THSD7B: variants seen among roughly 807,000 people sequenced by gnomAD.
THSD7B encodes thrombospondin type 1 domain containing 7B, also known as thrombospondin type-1 domain-containing protein 7B.
THSD7B carries 138 observed loss-of-function variants against 213.6 expected under a neutral mutation model. The ratio of observed to expected loss-of-function variants is 0.65; its 90% CI spans 0.56 to 0.74. THSD7B has a LOEUF of 0.74. Ranked by LOEUF, THSD7B falls within the 30% of genes least tolerant of loss-of-function variation. THSD7B has a pLI of 0.00. For synonymous variants in THSD7B, 742 were observed against 687.0 expected (o/e 1.08, Z -1.25); for missense variants, 1,931 against 1,991.5 (o/e 0.97, Z 0.58).
chr2:137,019,322 T>C (rs943411024), intron 2 of THSD7B, among the ~76,000 whole-genome samples: 22 of 152,220 alleles, frequency 1.4e-4, no homozygotes, highest in African/African-American at 3.6e-4. Context: ...TTCAACACAA[T>C]GCTTGGTACT....
In THSD7B at chr2:137,133,131, TCA is replaced by T. The variant is rs57550320; in HGVS notation, c.1369+17842_1369+17843del. The stretch of plus-strand genomic sequence containing the variant: ...CGTTGACTTTTGCCTTGGATTATTA[TCA>T]CACTGAATACCTAGGAAATCCACTC... On this transcript the variant is annotated intron_variant, in intron 5 of 27. Transcript: ENST00000409968. Among the ~76,000 whole-genome samples the T allele has an allele frequency of 5.0e-3, 757 of 152,332 alleles. 5 individuals carry two copies. Among genetic ancestry groups the T allele is most frequent in the African/African-American group, 0.018 (731 of 41,572 alleles).
chr2:137,584,394 G>A (rs1681665684), intron 17 of THSD7B, among the ~76,000 whole-genome samples: 2 of 152,172 alleles, frequency 1.3e-5, no homozygotes, highest in African/African-American at 4.8e-5. Context: ...TGGTGTGAGA[G>A]GACATTCCTG....
chr2:137,504,533 A>G (rs1679789843), intron 15 of THSD7B, among the ~76,000 whole-genome samples: 1 of 152,224 alleles, frequency 6.6e-6, no homozygotes, highest in African/African-American at 2.4e-5. Flanking sequence ...CAACAAGGAA[A>G]GGTATTATCA....
At chr2:137,116,807 G>T (rs1254725205) in intron 5 of THSD7B, among the ~76,000 whole-genome samples, 2 of 152,098 alleles carry the variant, frequency 1.3e-5, no homozygotes, top group Non-Finnish European at 2.9e-5. Context: ...TGGGGGTACG[G>T]GTGGAATAGA....
At chr2:137,113,420 T>G (rs906097119) in intron 4 of THSD7B, among the ~76,000 whole-genome samples, 8 of 152,024 alleles carry the variant, frequency 5.3e-5, no homozygotes, top group African/African-American at 1.9e-4. Flanking sequence ...TGTGGGGTTT[T>G]TGTGTGTGTG....
intron 24 of THSD7B, among the ~76,000 whole-genome samples, chr2:137,659,008 C>T (rs866863300): frequency 1.8e-4 from 27 of 152,184 alleles, no homozygotes; most frequent in Middle Eastern, 3.2e-3. Context: ...TTTCCAGTTA[C>T]AGAGACATAC....
chr2:136,786,819 T>C (rs1235039057), intron 1 of THSD7B, among the ~76,000 whole-genome samples: 1 of 152,204 alleles, frequency 6.6e-6, no homozygotes, highest in Non-Finnish European at 1.5e-5. Flanking sequence ...TGATTTCTTA[T>C]CAGTCATTCA....
At chr2:137,073,997 A>G (rs1687560592) in intron 3 of THSD7B, among the ~76,000 whole-genome samples, 1 of 152,144 alleles carries the variant, frequency 6.6e-6, no homozygotes. Context: ...GGAGTGCTTT[A>G]CTTCCAACTA....
chr2:137,131,916 G>A (rs996560444), intron 5 of THSD7B, among the ~76,000 whole-genome samples: 4 of 151,852 alleles, frequency 2.6e-5, no homozygotes, highest in African/African-American at 9.7e-5. Flanking sequence ...ATTCTGTGAA[G>A]AAAGTCATTA....
At chr2:137,220,283 G>A (rs1681340379) in intron 7 of THSD7B, among the ~76,000 whole-genome samples, 1 of 151,896 alleles carries the variant, frequency 6.6e-6, no homozygotes, top group South Asian at 2.1e-4. Flanking sequence ...CAAATCACAT[G>A]TGTGACAAAT....
intron 2 of THSD7B, among the ~76,000 whole-genome samples, chr2:136,946,401 T>C (rs529463982): frequency 6.6e-6 from 1 of 152,282 alleles, no homozygotes; most frequent in South Asian, 2.1e-4. Flanking sequence ...AGTCAGCCCC[T>C]ACTGGGAGGT....
rs994014503 is a variant in THSD7B, at chr2:137,013,838, A to G, written c.140-42582A>G. ...GACTTCCTAGGAATTAGAAATTAAG[A>G]TTTTTAGAAAGGAGTCAGTCCCTTC... is the stretch of plus-strand genomic sequence containing the variant. On this transcript the variant is annotated intron_variant, in intron 2 of 27. Coordinates refer to ENST00000409968, the MANE Select transcript of THSD7B (RefSeq NM_001316349.2). Among the ~76,000 whole-genome samples the G allele has an allele frequency of 3.3e-5, 5 of 152,318 alleles. No homozygotes were observed. The East Asian group carries it at 7.7e-4, about 24-fold the overall frequency.
At chr2:137,585,023 A>T (rs1681686725) in intron 17 of THSD7B, among the ~76,000 whole-genome samples, 1 of 151,920 alleles carries the variant, frequency 6.6e-6, no homozygotes, top group South Asian at 2.1e-4. Context: ...AGAGCCTGTT[A>T]TTGGTCTATT....
intron 1 of THSD7B, among the ~76,000 whole-genome samples, chr2:136,841,855 T>C (rs1682925864): frequency 6.6e-6 from 1 of 152,074 alleles, no homozygotes; most frequent in South Asian, 2.1e-4. Context: ...TTGGGAAAAG[T>C]CAGTAGATGG....
chr2:137,511,928 A>G (rs185072948), intron 15 of THSD7B, among the ~76,000 whole-genome samples: 6 of 152,254 alleles, frequency 3.9e-5, no homozygotes, highest in Non-Finnish European at 7.4e-5. Flanking sequence ...GCAAACACCA[A>G]ATGTAAAGCT....
intron 10 of THSD7B, among the ~76,000 whole-genome samples, chr2:137,266,638 T>C (rs939862093): frequency 6.6e-6 from 1 of 152,208 alleles, no homozygotes; most frequent in Non-Finnish European, 1.5e-5. Context: ...CCCCTAAAGG[T>C]TAATTTTTAA....
rs1683392887 is a variant in THSD7B at position 137,293,717 on chromosome 2, C to A, written c.2500+17691C>A. Among the ~76,000 whole-genome samples the A allele has an allele frequency of 1.3e-5, 2 of 152,082 alleles. 1 individual carries two copies. Among genetic ancestry groups the A allele is most frequent in the South Asian group, 4.2e-4 (2 of 4,766 alleles). On this transcript the variant is annotated intron_variant, in intron 12 of 27. Coordinates refer to ENST00000409968, the MANE Select transcript of THSD7B (RefSeq NM_001316349.2). ...AACCAATTATATATTTTATTAGACA[C>A]AAGATCTTACAGGTTTTACCCCAGA...
chr2:137,130,376 T>TTTATTA (rs150551557), intron 5 of THSD7B, among the ~76,000 whole-genome samples: 1 of 151,798 alleles, frequency 6.6e-6, no homozygotes, highest in Non-Finnish European at 1.5e-5. Context: ...GCCTCACCTT[T>TTTATTA]TTATTATTAT....
intron 12 of THSD7B, among the ~76,000 whole-genome samples, chr2:137,291,382 C>G (rs962684404): frequency 6.6e-6 from 1 of 152,056 alleles, no homozygotes; most frequent in Non-Finnish European, 1.5e-5. Flanking sequence ...AGAAAATGTA[C>G]CTTATTCGTC....
Sources: allele counts gnomAD v4.1 joint callset (sites outside exome capture counted in the v4.1 genomes callset), GRCh38; gene constraint gnomAD v4.1.1; transcripts MANE v1.5; gene names NCBI Gene and HGNC (gene_info 2026-07-23, HGNC 2026-07-21).